Variants in THSD4 observed in about 807,000 individuals in gnomAD.
THSD4 encodes thrombospondin type 1 domain containing 4.
THSD4 carries 69 observed loss-of-function variants against 119.0 expected under a neutral mutation model. The observed-to-expected ratio is 0.58, with a 90% CI of 0.48 to 0.71. THSD4 has a LOEUF of 0.71. Ranked by LOEUF, THSD4 falls within the 30% of genes least tolerant of loss-of-function variation. THSD4 has a pLI of 0.00. For missense variants in THSD4, 1,393 were observed against 1,391.1 expected (o/e 1.00, Z -0.02); for synonymous variants, 524 against 540.4 (o/e 0.97, Z 0.42).
intron 7 of THSD4, among the ~76,000 whole-genome samples, chr15:71,507,147 C>G (rs1190073338): frequency 6.6e-6 from 1 of 152,232 alleles, no homozygotes; most frequent in African/African-American, 2.4e-5. Context: ...AGCTCCAGGA[C>G]TGCAGTTGGT....
chr15:71,607,998 C>T (rs1041819011), intron 7 of THSD4, among the ~76,000 whole-genome samples: 13 of 152,068 alleles, frequency 8.5e-5, no homozygotes, highest in East Asian at 3.9e-4. Context: ...CCAAGGCGGG[C>T]GGATCACGAG....
intron 6 of THSD4, among the ~76,000 whole-genome samples, chr15:71,292,002 G>A (rs904902623): frequency 1.3e-5 from 2 of 152,172 alleles, no homozygotes; most frequent in African/African-American, 4.8e-5. Context: ...TCAAGAAAGG[G>A]TGCGAGGGAA....
At chr15:71,482,008 T>C (rs1261595664) in intron 7 of THSD4, among the ~76,000 whole-genome samples, 1 of 152,194 alleles carries the variant, frequency 6.6e-6, no homozygotes. Flanking sequence ...GGAGCCAACT[T>C]AGAAAACATG....
At chr15:71,315,723 A>C (rs2045178204) in intron 6 of THSD4, among the ~76,000 whole-genome samples, 1 of 152,230 alleles carries the variant, frequency 6.6e-6, no homozygotes, top group East Asian at 1.9e-4. Flanking sequence ...TTAAACTTCA[A>C]GGATTAGGAA....
At chr15:71,748,277 T>A in intron 13 of THSD4, 144 bp from the exon 14 acceptor site, 1 of 982,598 alleles carries the variant, frequency 1.0e-6, no homozygotes, top group Non-Finnish European at 1.5e-6. Context: ...TTTCTAGGGC[T>A]CAGATCCCTG....
At chr15:71,501,746 C>A (rs1257157570) in intron 7 of THSD4, among the ~76,000 whole-genome samples, 1 of 152,224 alleles carries the variant, frequency 6.6e-6, no homozygotes, top group African/African-American at 2.4e-5. Context: ...CATCTGTGAT[C>A]CATCATGACC....
chr15:71,560,047 G>A (rs1016630515), intron 7 of THSD4, among the ~76,000 whole-genome samples: 5 of 151,948 alleles, frequency 3.3e-5, no homozygotes, highest in Non-Finnish European at 7.4e-5. Context: ...ACTCAATTAG[G>A]CATTTCTCCT....
At chr15:71,378,176 G>A (rs1052671688) in intron 6 of THSD4, among the ~76,000 whole-genome samples, 5 of 152,252 alleles carry the variant, frequency 3.3e-5, no homozygotes, top group Non-Finnish European at 7.4e-5. Flanking sequence ...GATTAGTGAT[G>A]TGTATATTTA....
At chr15:71,317,136 A>T (rs911317882) in intron 6 of THSD4, among the ~76,000 whole-genome samples, 1 of 152,234 alleles carries the variant, frequency 6.6e-6, no homozygotes, top group Non-Finnish European at 1.5e-5. Context: ...GTCAACATAC[A>T]AGTGACTAAG....
intron 7 of THSD4, among the ~76,000 whole-genome samples, chr15:71,638,370 G>A (rs140979916): frequency 1.3e-3 from 203 of 152,320 alleles, no homozygotes; most frequent in African/African-American, 4.6e-3. Flanking sequence ...GTGATGAAAT[G>A]TCCTATAGAT....
At chr15:71,646,888 T>G (rs968485726) in intron 7 of THSD4, among the ~76,000 whole-genome samples, 15 of 152,172 alleles carry the variant, frequency 9.9e-5, no homozygotes, top group African/African-American at 3.6e-4. Context: ...ATAGGCATAA[T>G]GCCTAGGAGG....
chr15:71,436,026 G>A (rs1158074021), intron 7 of THSD4, among the ~76,000 whole-genome samples: 1 of 152,214 alleles, frequency 6.6e-6, no homozygotes, highest in Non-Finnish European at 1.5e-5. Context: ...CAGAGGCAGA[G>A]ACCAAGGGAG....
intron 3 of THSD4, among the ~76,000 whole-genome samples, chr15:71,201,461 C>T (rs1442216132): frequency 1.3e-5 from 2 of 152,238 alleles, no homozygotes; most frequent in African/African-American, 4.8e-5. Context: ...TACCTCCCAT[C>T]TCTCCAAACT....
intron 6 of THSD4, among the ~76,000 whole-genome samples, chr15:71,308,818 T>G (rs75994226): frequency 0.031 from 4,724 of 152,284 alleles, 125 homozygotes; most frequent in African/African-American, 0.077. Flanking sequence ...ACTGCTAAAT[T>G]GTTTTCCACA....
chr15:71,139,146 A>G (rs572607345), intron 1 of THSD4, among the ~76,000 whole-genome samples: 8 of 152,246 alleles, frequency 5.3e-5, no homozygotes, highest in African/African-American at 1.9e-4. Flanking sequence ...TTTAAGTCCC[A>G]TCTACCTTGC....
At chr15:71,618,665 C>G (rs2050364880) in intron 7 of THSD4, among the ~76,000 whole-genome samples, 1 of 152,026 alleles carries the variant, frequency 6.6e-6, no homozygotes, top group Non-Finnish European at 1.5e-5. Context: ...CCTCAGCCTC[C>G]TGGGCTCAGG....
upstream of THSD4, chr15:71,111,154 T>A (rs1244674112): frequency 1.9e-6 from 3 of 1,608,292 alleles, no homozygotes; most frequent in East Asian, 4.5e-5. Context: ...AACCTTCCTA[T>A]CTCCTCTGAC....
At chr15:71,768,369 T>C (rs2053752411) in intron 16 of THSD4, among the ~76,000 whole-genome samples, 1 of 151,980 alleles carries the variant, frequency 6.6e-6, no homozygotes, top group African/African-American at 2.4e-5. Flanking sequence ...AATTACACCG[T>C]GGGAGCACAG....
chr15:71,183,475 C>T (rs189180703), intron 3 of THSD4, among the ~76,000 whole-genome samples: 6 of 151,614 alleles, frequency 4.0e-5, no homozygotes, highest in African/African-American at 1.2e-4. Flanking sequence ...CCTCAGTTTC[C>T]TCATCTGTAA....
Sources: gnomAD v4.1 joint callset for allele counts (sites outside exome capture counted in the v4.1 genomes callset) on GRCh38, gnomAD v4.1.1 for gene constraint, MANE v1.5 for transcripts, NCBI Gene and HGNC (gene_info 2026-07-23, HGNC 2026-07-21) for gene names.